Variants in RCOR1 observed in about 807,000 individuals in gnomAD.
RCOR1 encodes the protein REST corepressor.
A neutral mutation model predicts 64.0 loss-of-function variants in RCOR1; 12 were observed. The ratio of observed to expected loss-of-function variants is 0.19; its 90% CI spans 0.12 to 0.30. The LOEUF is 0.30. RCOR1 is among the 10% of genes least tolerant of loss of function. The pLI, the probability that RCOR1 is intolerant of heterozygous loss-of-function variation, is 1.00. For synonymous variants in RCOR1, 279 were observed against 227.2 expected, an observed-to-expected ratio of 1.23 and a Z score of -2.05; for missense variants, 502 against 621.2, an observed-to-expected ratio of 0.81 and a Z score of 2.04.
At chr14:102,615,132 C>CT in intron 2 of RCOR1, among the ~76,000 whole-genome samples, 1 of 145,032 alleles carries the variant, frequency 6.9e-6, no homozygotes, top group Non-Finnish European at 1.5e-5. Context: ...TGCCCGGCCC[C>CT]CCCGCCCCCA....
intron 2 of RCOR1, among the ~76,000 whole-genome samples, chr14:102,602,286 A>G (rs1488328635): frequency 6.6e-6 from 1 of 152,154 alleles, no homozygotes. Context: ...AAGGTAAACA[A>G]CTTTGTTTTC....
chr14:102,608,927 T>G (rs1214624440), intron 2 of RCOR1, among the ~76,000 whole-genome samples: 1 of 152,078 alleles, frequency 6.6e-6, no homozygotes, highest in Non-Finnish European at 1.5e-5. Flanking sequence ...ACCGTGCTGT[T>G]ATGTACATTC....
intron 2 of RCOR1, among the ~76,000 whole-genome samples, chr14:102,668,702 GA>G (rs1206011198): frequency 2.0e-5 from 3 of 151,498 alleles, no homozygotes; most frequent in Non-Finnish European, 4.4e-5. Flanking sequence ...TGTAAGTTAA[GA>G]TTTTTTTTTA....
In RCOR1 at chr14:102,662,000, A is replaced by G. The variant is rs540402680; in HGVS notation, c.362-19895A>G. 6.0e-4 allele frequency among the ~76,000 whole-genome samples: 91 copies of G among 152,200 alleles called. 1 individual carries two copies. The South Asian group carries it at 8.3e-3, about 14-fold the overall frequency. ...GGTCTCAAATTCCTGACCTCAAGCA[A>G]TCCTCCAGCCTTGGCCTCTCAAAGT... is the stretch of plus-strand genomic sequence containing the variant. On this transcript the variant is annotated intron_variant, in intron 2 of 11. Coordinates refer to ENST00000262241, the MANE Select transcript of RCOR1 (RefSeq NM_015156.4).
chr14:102,632,763 C>CCCTCCCCTCT (rs1320568418), intron 2 of RCOR1, among the ~76,000 whole-genome samples: 1 of 31,856 alleles, frequency 3.1e-5, no homozygotes, highest in South Asian at 1.4e-3. Flanking sequence ...CCCTCCCCTC[C>CCCTCCCCTCT]CCTCCCCTCT....
intron 2 of RCOR1, among the ~76,000 whole-genome samples, chr14:102,628,170 C>T (rs962345357): frequency 6.6e-6 from 1 of 152,070 alleles, no homozygotes; most frequent in African/African-American, 2.4e-5. Flanking sequence ...CCTTTTTGTT[C>T]TCTTCAGGCT....
chr14:102,707,602 C>G, intron 5 of RCOR1, 90 bp downstream of exon 5: 1 of 1,065,748 alleles, frequency 9.4e-7, no homozygotes, highest in Non-Finnish European at 1.3e-6. Flanking sequence ...CATACTCAAA[C>G]ATAAATATTC....
At chr14:102,675,461 G>T (rs1296617787) in intron 2 of RCOR1, among the ~76,000 whole-genome samples, 2 of 152,104 alleles carry the variant, frequency 1.3e-5, no homozygotes, top group Non-Finnish European at 1.5e-5. Context: ...CCAATACTTT[G>T]GGGCTGTTAG....
intron 2 of RCOR1, among the ~76,000 whole-genome samples, chr14:102,658,163 C>T (rs1380260149): frequency 6.6e-6 from 1 of 151,934 alleles, no homozygotes; most frequent in Non-Finnish European, 1.5e-5. Context: ...TTAGTGGAGA[C>T]GGGGTTTCAC....
intron 3 of RCOR1, among the ~76,000 whole-genome samples, chr14:102,692,440 A>AACACACACACACAC (rs10622844): frequency 0.011 from 1,595 of 146,326 alleles, 12 homozygotes; most frequent in Middle Eastern, 0.017. Context: ...GGAAAAAGTT[A>AACACACACACACAC]ACACACACAC....
At chr14:102,664,263 G>T (rs939521889) in intron 2 of RCOR1, among the ~76,000 whole-genome samples, 84 of 151,990 alleles carry the variant, frequency 5.5e-4, no homozygotes, top group African/African-American at 2.0e-3. Context: ...GAGCCACCAC[G>T]CCCAGCTGGG....
chr14:102,721,449 G>A lies in RCOR1; in HGVS notation c.1189+72G>A, dbSNP rs572385676. On this transcript the variant is annotated intron_variant, in intron 10 of 11. Transcript: ENST00000262241. ...CTCACACCTGTAATCCCAACATTTTGGAAGGTTGACGCATTTGCTTGAGCC... is the reference window on the plus strand; with the variant it reads ...CTCACACCTGTAATCCCAACATTTTAGAAGGTTGACGCATTTGCTTGAGCC... 7 of 1,166,304 alleles carry A rather than the reference G, an allele frequency of 6.0e-6. No individual in the cohort carries two copies. In the East Asian group the frequency reaches 1.4e-4, roughly 24 times the overall value. The allele number at this position is 1,166,304 out of a possible 1,614,324, so 72.2% of individuals were successfully genotyped here. A position where few individuals can be genotyped will look rare whatever the true frequency, so the allele number is the denominator to read the frequency against.
chr14:102,617,210 A>G (rs1452631743), intron 2 of RCOR1, among the ~76,000 whole-genome samples: 2 of 151,840 alleles, frequency 1.3e-5, no homozygotes, highest in Non-Finnish European at 2.9e-5. Flanking sequence ...CCTTAGACAC[A>G]TTCGTTCGTT....
chr14:102,691,368 G>T (rs1477650596), intron 3 of RCOR1, among the ~76,000 whole-genome samples: 1 of 152,160 alleles, frequency 6.6e-6, no homozygotes, highest in African/African-American at 2.4e-5. Context: ...AGTGAGTCAT[G>T]GGTTCATTTG....
chr14:102,676,492 C>T (rs1198773613), intron 2 of RCOR1, among the ~76,000 whole-genome samples: 1 of 68,346 alleles, frequency 1.5e-5, no homozygotes. Context: ...CCCTCCCGGA[C>T]AGGGCGGCTG....
intron 2 of RCOR1, among the ~76,000 whole-genome samples, chr14:102,653,344 G>GAGT (rs1894631257): frequency 2.0e-5 from 3 of 152,124 alleles, no homozygotes; most frequent in African/African-American, 7.2e-5. Context: ...TCAGCCTCCT[G>GAGT]AGTAGCTGGG....
intron 2 of RCOR1, among the ~76,000 whole-genome samples, chr14:102,617,556 C>A (rs1439987717): frequency 3.3e-5 from 5 of 151,162 alleles, no homozygotes; most frequent in African/African-American, 1.2e-4. Context: ...TCACTGCACT[C>A]CAGCCGGGGC....
chr14:102,612,179 A>G (rs1266295603), intron 2 of RCOR1, among the ~76,000 whole-genome samples: 3 of 151,890 alleles, frequency 2.0e-5, no homozygotes, highest in Admixed American at 6.6e-5. Context: ...AATCTGGTTC[A>G]TGTCACTCTA....
chr14:102,629,982 T>C, intron 2 of RCOR1: 2 of 975,538 alleles, frequency 2.1e-6, no homozygotes, highest in Non-Finnish European at 2.4e-6. Flanking sequence ...AAGAGATGCC[T>C]CCTTATTTTG....
Sources: gnomAD v4.1 joint callset for allele counts (sites outside exome capture counted in the v4.1 genomes callset) on GRCh38, gnomAD v4.1.1 for gene constraint, MANE v1.5 for transcripts, NCBI Gene and HGNC (gene_info 2026-07-23, HGNC 2026-07-21) for gene names.